Variants in METTL15 observed in about 807,000 individuals in gnomAD.
METTL15 encodes the protein 12S rRNA N(4)-cytidine methyltransferase METTL15.
Under a neutral mutation model 38.3 loss-of-function variants are expected in METTL15, and 34 were observed. The ratio of observed to expected loss-of-function variants is 0.89; its 90% CI spans 0.68 to 1.18. The LOEUF is 1.18. METTL15 is among the 50% of genes most tolerant of loss of function. The pLI is 0.00. For synonymous variants in METTL15, 162 were observed against 170.9 expected, an observed-to-expected ratio of 0.95 and a Z score of 0.41; for missense variants, 438 against 498.4, an observed-to-expected ratio of 0.88 and a Z score of 1.15.
intron 6 of METTL15, among the ~76,000 whole-genome samples, chr11:28,311,854 T>G (rs4512801): frequency 0.46 from 70,487 of 152,122 alleles, 17,871 homozygotes; most frequent in Admixed American, 0.56. Context: ...ACAAATTTCA[T>G]TAATGGATTC....
At chr11:28,171,972 T>A (rs572241076) in intron 3 of METTL15, among the ~76,000 whole-genome samples, 220 of 150,154 alleles carry the variant, frequency 1.5e-3, no homozygotes, top group African/African-American at 4.5e-3. Flanking sequence ...TCTTGAAAAA[T>A]TTTTTTTTTG....
At chr11:28,199,554 G>GC (rs1391833949) in intron 3 of METTL15, among the ~76,000 whole-genome samples, 1 of 151,764 alleles carries the variant, frequency 6.6e-6, no homozygotes, top group Admixed American at 6.6e-5. Context: ...TTGCTTCTTG[G>GC]CCAGTACAAC....
chr11:28,269,070 G>C (rs1330747314), intron 4 of METTL15, among the ~76,000 whole-genome samples: 1 of 152,078 alleles, frequency 6.6e-6, no homozygotes. Context: ...GTTTCACCAG[G>C]CATTCTATTT....
rs142486198 is a variant in METTL15 at position 28,113,575 on chromosome 11, G to A, written c.241G>A (p.Val81Ile). 5.0e-6 allele frequency: 8 copies of A among 1,611,146 alleles called. No homozygotes were observed. Among genetic ancestry groups the A allele is most frequent in the Admixed American group, 1.7e-5 (1 of 59,550 alleles). Residue 81 changes from valine (V) to isoleucine (I), a missense_variant, in exon 3 of 7, where the codon GTT becomes ATT. Transcript: ENST00000407364. ...TATTCCAGTAATGGTGGATGAAGTT[G>A]TTCATTGTTTGTCACCACAAAAAGG... ...LHIPVMVDEV[V>I]HCLSPQKGQI...
At chr11:28,259,836 C>G (rs983514112) in intron 4 of METTL15, among the ~76,000 whole-genome samples, 1 of 152,150 alleles carries the variant, frequency 6.6e-6, no homozygotes, top group Non-Finnish European at 1.5e-5. Context: ...TATGCAGGTG[C>G]TTTTCTTGTG....
chr11:28,289,263 A>T (rs746892513), intron 4 of METTL15, among the ~76,000 whole-genome samples: 1 of 152,186 alleles, frequency 6.6e-6, no homozygotes, highest in African/African-American at 2.4e-5. Flanking sequence ...TCCAAATAAC[A>T]TAATGCCTGA....
At chr11:28,161,094 T>C (rs556910626) in intron 3 of METTL15, among the ~76,000 whole-genome samples, 11 of 146,770 alleles carry the variant, frequency 7.5e-5, no homozygotes, top group African/African-American at 1.3e-4. Context: ...TATAGTCAGA[T>C]GTTTGCACCT....
chr11:28,498,798 C>T (rs1333911665), intron 6 of METTL15, among the ~76,000 whole-genome samples: 2 of 152,226 alleles, frequency 1.3e-5, no homozygotes, highest in East Asian at 1.9e-4. Flanking sequence ...AAAGGACACT[C>T]GTTAATACCT....
chr11:28,135,661 T>C (rs10835274), intron 3 of METTL15, among the ~76,000 whole-genome samples: 9,226 of 152,280 alleles, frequency 0.061, 614 homozygotes, highest in East Asian at 0.36. Flanking sequence ...AAATGAATTA[T>C]TATTGCATAG....
intron 4 of METTL15, among the ~76,000 whole-genome samples, chr11:28,221,925 G>C (rs1853245695): frequency 2.0e-5 from 3 of 152,156 alleles, no homozygotes; most frequent in African/African-American, 7.2e-5. Flanking sequence ...TTTTGTCTCA[G>C]AGGGGTACCT....
intron 6 of METTL15, among the ~76,000 whole-genome samples, chr11:28,462,695 T>A (rs909172805): frequency 6.6e-6 from 1 of 152,172 alleles, no homozygotes; most frequent in East Asian, 1.9e-4. Context: ...TGGGATAGCA[T>A]CTGAATGGTC....
At chr11:28,367,671 A>G (rs1324256509) in intron 5 of METTL15, among the ~76,000 whole-genome samples, 1 of 152,156 alleles carries the variant, frequency 6.6e-6, no homozygotes, top group Non-Finnish European at 1.5e-5. Context: ...ACAAAGTTGG[A>G]GGCATCGTGC....
chr11:28,248,165 A>G (rs1270482987), intron 4 of METTL15, among the ~76,000 whole-genome samples: 1 of 152,100 alleles, frequency 6.6e-6, no homozygotes, highest in African/African-American at 2.4e-5. Flanking sequence ...AAAGCCATTA[A>G]TGATATGGTC....
At chr11:28,485,112 TAC>T (rs33941898) in intron 6 of METTL15, among the ~76,000 whole-genome samples, 2,546 of 148,736 alleles carry the variant, frequency 0.017, 39 homozygotes, top group East Asian at 0.056. Flanking sequence ...AATGAAGTTT[TAC>T]ACACACACAC....
At chr11:28,340,376 G>A (rs1849939596) in intron 3 of METTL15, among the ~76,000 whole-genome samples, 1 of 152,130 alleles carries the variant, frequency 6.6e-6, no homozygotes, top group South Asian at 2.1e-4. Flanking sequence ...ACTATCATCA[G>A]AGTGAACAGG....
intron 4 of METTL15, among the ~76,000 whole-genome samples, chr11:28,212,538 G>A (rs975832287): frequency 1.3e-5 from 2 of 152,026 alleles, no homozygotes; most frequent in Non-Finnish European, 2.9e-5. Flanking sequence ...CAAAATCCAT[G>A]GATGCTCAAT....
chr11:28,395,437 A>C (rs1282049157), intron 5 of METTL15, among the ~76,000 whole-genome samples: 2 of 152,116 alleles, frequency 1.3e-5, no homozygotes, highest in Non-Finnish European at 2.9e-5. Context: ...GGCATTGCCC[A>C]GGTTCCTCAC....
At chr11:28,142,116 A>T (rs1477587543) in intron 3 of METTL15, among the ~76,000 whole-genome samples, 1 of 152,246 alleles carries the variant, frequency 6.6e-6, no homozygotes, top group Non-Finnish European at 1.5e-5. Flanking sequence ...ATGTCAAAAA[A>T]CAAAATGAAA....
intron 3 of METTL15, among the ~76,000 whole-genome samples, chr11:28,141,431 G>C (rs1358215052): frequency 6.6e-6 from 1 of 152,040 alleles, no homozygotes; most frequent in East Asian, 1.9e-4. Flanking sequence ...TTGACTTTGG[G>C]AGACAGAGAC....
Sources: gnomAD v4.1 joint callset for allele counts (sites outside exome capture counted in the v4.1 genomes callset) on GRCh38, gnomAD v4.1.1 for gene constraint, MANE v1.5 for transcripts, NCBI Gene and HGNC (gene_info 2026-07-23, HGNC 2026-07-21) for gene names.